SCHIP1: variants seen among roughly 807,000 people sequenced by gnomAD.
SCHIP1 encodes schwannomin-interacting protein 1.
Under a neutral mutation model 29.7 loss-of-function variants are expected in SCHIP1, and 8 were observed. The ratio of observed to expected loss-of-function variants is 0.27; its 90% CI spans 0.16 to 0.49. SCHIP1 has a LOEUF of 0.49. Among genes scored for constraint, SCHIP1 ranks in the 20% least tolerant of loss-of-function variants. SCHIP1 has a pLI of 0.99. For synonymous variants in SCHIP1, 76 were observed against 94.9 expected (o/e 0.80, Z 1.16); for missense variants, 193 against 294.6 (o/e 0.66, Z 2.52).
At chr3:159,755,258 G>A in the SCHIP1 span, among the ~76,000 whole-genome samples, 2 of 152,048 alleles carry the variant, frequency 1.3e-5, no homozygotes, top group African/African-American at 4.8e-5. Flanking sequence ...GAAAGAAAGA[G>A]GTTTATTGGA....
chr3:159,833,690 C>T, the SCHIP1 span, among the ~76,000 whole-genome samples: 5 of 152,216 alleles, frequency 3.3e-5, no homozygotes, highest in South Asian at 4.2e-4. Flanking sequence ...TGCAAAAGAC[C>T]CCTAAATTCT....
At chr3:159,613,209 A>G in the SCHIP1 span, among the ~76,000 whole-genome samples, 1 of 152,234 alleles carries the variant, frequency 6.6e-6, no homozygotes, top group Admixed American at 6.5e-5. Context: ...AAATTCTGCA[A>G]GATAGAATAT....
the SCHIP1 span, among the ~76,000 whole-genome samples, chr3:159,502,351 T>C: frequency 1.3e-5 from 2 of 152,324 alleles, no homozygotes; most frequent in South Asian, 2.1e-4. Flanking sequence ...ATTGTTTACA[T>C]AGATGGGCTA....
At chr3:159,595,579 A>C in the SCHIP1 span, among the ~76,000 whole-genome samples, 1 of 152,202 alleles carries the variant, frequency 6.6e-6, no homozygotes, top group African/African-American at 2.4e-5. Context: ...TTCCACCATC[A>C]GACACATGGT....
At chr3:159,817,581 T>TA in the SCHIP1 span, among the ~76,000 whole-genome samples, 19,250 of 151,482 alleles carry the variant, frequency 0.13, 1,443 homozygotes, top group Middle Eastern at 0.29. Flanking sequence ...CATGGATTAC[T>TA]AAAAAAAAAG....
the SCHIP1 span, among the ~76,000 whole-genome samples, chr3:159,383,589 G>A: frequency 2.7e-5 from 4 of 145,496 alleles, no homozygotes; most frequent in Admixed American, 2.1e-4. Context: ...TTGGCAATGC[G>A]GGCTCTTTTT....
At chr3:159,494,868 G>T in the SCHIP1 span, among the ~76,000 whole-genome samples, 11 of 152,230 alleles carry the variant, frequency 7.2e-5, no homozygotes, top group African/African-American at 2.6e-4. Context: ...TACAATACTG[G>T]CAAACCGAAT....
chr3:159,680,339 T>C, the SCHIP1 span, among the ~76,000 whole-genome samples: 1 of 150,396 alleles, frequency 6.6e-6, no homozygotes, highest in Non-Finnish European at 1.5e-5. Context: ...TGAAACCTCG[T>C]CTCTACTAAA....
At chr3:159,615,616 G>A in the SCHIP1 span, among the ~76,000 whole-genome samples, 1 of 152,178 alleles carries the variant, frequency 6.6e-6, no homozygotes, top group Non-Finnish European at 1.5e-5. Flanking sequence ...GCTCCTTTGT[G>A]TGAGTACAAA....
At chr3:159,502,309 C>A in the SCHIP1 span, among the ~76,000 whole-genome samples, 1 of 152,092 alleles carries the variant, frequency 6.6e-6, no homozygotes, top group East Asian at 1.9e-4. Flanking sequence ...TGTTGGGGAC[C>A]TGAGAGAGGC....
chr3:159,588,713 G>A, the SCHIP1 span, among the ~76,000 whole-genome samples: 1 of 152,094 alleles, frequency 6.6e-6, no homozygotes, highest in Non-Finnish European at 1.5e-5. Context: ...ACCATTTGTT[G>A]AATAGGGAAT....
intron 4 of SCHIP1, 124 bp from the exon 6 acceptor site, chr3:159,888,696 A>G: frequency 7.1e-7 from 1 of 1,415,250 alleles, no homozygotes; most frequent in South Asian, 1.4e-5. Context: ...CAGACTGGGA[A>G]AGCTTTTAAT....
At chr3:159,825,768 A>C in the SCHIP1 span, among the ~76,000 whole-genome samples, 1 of 152,120 alleles carries the variant, frequency 6.6e-6, no homozygotes, top group Non-Finnish European at 1.5e-5. Flanking sequence ...CCCACAAATT[A>C]GAGGGAAAAA....
the SCHIP1 span, among the ~76,000 whole-genome samples, chr3:159,745,465 C>T: frequency 6.6e-6 from 1 of 152,272 alleles, no homozygotes; most frequent in African/African-American, 2.4e-5. Context: ...ATGGCAGATG[C>T]CTAGTAATAA....
chr3:159,790,393 G>A, the SCHIP1 span, among the ~76,000 whole-genome samples: 5 of 152,170 alleles, frequency 3.3e-5, no homozygotes, highest in African/African-American at 9.7e-5. Context: ...CAATCTTTCT[G>A]TAAAAGACTA....
At chr3:159,782,477 C>G in the SCHIP1 span, among the ~76,000 whole-genome samples, 1 of 152,182 alleles carries the variant, frequency 6.6e-6, no homozygotes, top group Non-Finnish European at 1.5e-5. Context: ...ATGTAATACC[C>G]TCTTATGTCT....
chr3:159,601,565 A>C, the SCHIP1 span, among the ~76,000 whole-genome samples: 1 of 152,164 alleles, frequency 6.6e-6, no homozygotes. Flanking sequence ...ATGAGAGCTT[A>C]AGCACAGAGG....
chr3:159,665,558 G>C, the SCHIP1 span, among the ~76,000 whole-genome samples: 1 of 151,968 alleles, frequency 6.6e-6, no homozygotes. Flanking sequence ...GTGTGTGTGT[G>C]TGTGTGTGTG....
chr3:159,312,247 A>T, the SCHIP1 span, among the ~76,000 whole-genome samples: 1 of 152,148 alleles, frequency 6.6e-6, no homozygotes, highest in African/African-American at 2.4e-5. Context: ...CTACAATCTC[A>T]GTGGCATAAG....
Sources: allele counts gnomAD v4.1 joint callset (sites outside exome capture counted in the v4.1 genomes callset), GRCh38; gene constraint gnomAD v4.1.1; transcripts MANE v1.5; gene names NCBI Gene and HGNC (gene_info 2026-07-23, HGNC 2026-07-21).